PSD3: variants seen among roughly 807,000 people sequenced by gnomAD.
PSD3 encodes PH and SEC7 domain-containing protein 3.
In PSD3, 49 loss-of-function variants were observed where a neutral mutation model predicts 105.5. The observed-to-expected ratio is 0.46, with a 90% CI of 0.37 to 0.59. The LOEUF (loss-of-function observed/expected upper bound fraction) is 0.59, where lower values mean the gene tolerates loss of function less well. Ranked by LOEUF, PSD3 falls within the 20% of genes least tolerant of loss-of-function variation. PSD3 has a pLI of 0.00. For synonymous variants in PSD3, 557 were observed against 457.8 expected (o/e 1.22, Z -2.77); for missense variants, 1,561 against 1,263.8 (o/e 1.24, Z -3.57).
chr8:18,800,688 A>G (rs935231703), intron 7 of PSD3, among the ~76,000 whole-genome samples: 1 of 151,566 alleles, frequency 6.6e-6, no homozygotes, highest in Non-Finnish European at 1.5e-5. Context: ...TGTAATATGC[A>G]TAACCTCATA....
chr8:19,084,784 T>A (rs1829756012), upstream of PSD3: 2 of 260,898 alleles, frequency 7.7e-6, no homozygotes, highest in African/African-American at 4.4e-5. Context: ...TGTGTGCGCC[T>A]GAGGTCCCAG....
intron 4 of PSD3, chr8:18,865,269 TATATATATA>T (rs1563360504): frequency 2.4e-3 from 12 of 5,060 alleles, no homozygotes; most frequent in Non-Finnish European, 3.4e-3. Flanking sequence ...TATATATATA[TATATATATA>T]TATATATATT....
At chr8:18,930,196 G>T (rs1821648715) in intron 2 of PSD3, among the ~76,000 whole-genome samples, 1 of 152,170 alleles carries the variant, frequency 6.6e-6, no homozygotes, top group Non-Finnish European at 1.5e-5. Context: ...GTGGGTAGGG[G>T]TCAAGAGAGC....
chr8:18,539,223 T>G (rs963246755), intron 15 of PSD3, among the ~76,000 whole-genome samples: 1 of 152,230 alleles, frequency 6.6e-6, no homozygotes, highest in Non-Finnish European at 1.5e-5. Flanking sequence ...GTAAATGCTA[T>G]CCAGAGGATT....
At chr8:18,719,791 T>C (rs1286467663) in intron 9 of PSD3, among the ~76,000 whole-genome samples, 1 of 152,194 alleles carries the variant, frequency 6.6e-6, no homozygotes, top group Admixed American at 6.5e-5. Context: ...GCTGGTTTCA[T>C]TTTAACCAGA....
intron 9 of PSD3, among the ~76,000 whole-genome samples, chr8:18,708,896 C>T (rs933479963): frequency 6.6e-6 from 1 of 152,136 alleles, no homozygotes; most frequent in Non-Finnish European, 1.5e-5. Context: ...GGAACTCCCA[C>T]CTCCAGTCAA....
intron 11 of PSD3, among the ~76,000 whole-genome samples, chr8:18,608,982 G>C (rs1219996223): frequency 6.6e-6 from 1 of 152,098 alleles, no homozygotes; most frequent in African/African-American, 2.4e-5. Flanking sequence ...TGGGTGCCCT[G>C]ATCATCTTTT....
At chr8:18,562,316 G>C (rs181583297) in intron 14 of PSD3, among the ~76,000 whole-genome samples, 2 of 152,334 alleles carry the variant, frequency 1.3e-5, no homozygotes, top group Admixed American at 6.5e-5. Context: ...TGGAGATCCA[G>C]AGAGTTCAAG....
chr8:18,669,758 A>G (rs1418280858), intron 9 of PSD3, among the ~76,000 whole-genome samples: 3 of 152,264 alleles, frequency 2.0e-5, no homozygotes, highest in African/African-American at 7.2e-5. Flanking sequence ...ATGAGTAACT[A>G]CCTGAAACTG....
intron 11 of PSD3, among the ~76,000 whole-genome samples, chr8:18,623,554 T>G (rs1480808981): frequency 1.4e-5 from 2 of 145,632 alleles, no homozygotes; most frequent in African/African-American, 5.1e-5. Flanking sequence ...GTGGGAAGAC[T>G]ACCTGAGCCC....
chr8:18,644,599 C>T (rs1807890223), intron 10 of PSD3, among the ~76,000 whole-genome samples: 2 of 152,146 alleles, frequency 1.3e-5, no homozygotes, highest in Non-Finnish European at 2.9e-5. Flanking sequence ...TCTAAGAAGT[C>T]CCAGATGGTC....
intron 9 of PSD3, among the ~76,000 whole-genome samples, chr8:18,746,295 C>A (rs1805015806): frequency 6.6e-6 from 1 of 152,188 alleles, no homozygotes; most frequent in Non-Finnish European, 1.5e-5. Context: ...GGGCCCCAGA[C>A]CCAGCCACAC....
At chr8:18,576,417 G>A (rs186123411) in intron 12 of PSD3, among the ~76,000 whole-genome samples, 17 of 152,214 alleles carry the variant, frequency 1.1e-4, no homozygotes, top group Middle Eastern at 3.4e-3. Context: ...GTCTTCTCGA[G>A]TGGTATGATG....
intron 2 of PSD3, among the ~76,000 whole-genome samples, chr8:18,876,359 A>G (rs1033071579): frequency 3.3e-5 from 5 of 152,138 alleles, no homozygotes; most frequent in South Asian, 2.1e-4. Flanking sequence ...AAATGTGTAT[A>G]TAAGTTTCAG....
At chr8:18,549,617 G>T (rs1800649963) in intron 15 of PSD3, among the ~76,000 whole-genome samples, 1 of 152,168 alleles carries the variant, frequency 6.6e-6, no homozygotes, top group South Asian at 2.1e-4. Context: ...CAATGCTTCT[G>T]CAGGGAGACG....
chr8:18,944,007 T>A (rs1163833705), intron 1 of PSD3, among the ~76,000 whole-genome samples: 1 of 152,170 alleles, frequency 6.6e-6, no homozygotes, highest in Non-Finnish European at 1.5e-5. Context: ...CCTCCTACAG[T>A]GAAGCTTAGA....
At chr8:18,571,158 G>C (rs1585269844) in intron 14 of PSD3, among the ~76,000 whole-genome samples, 1 of 152,108 alleles carries the variant, frequency 6.6e-6, no homozygotes, top group Admixed American at 6.6e-5. Context: ...ACTGTGCCCA[G>C]TCTTAAAGCT....
chr8:18,843,551 G>A (rs1307671327), intron 4 of PSD3, among the ~76,000 whole-genome samples: 2 of 152,118 alleles, frequency 1.3e-5, no homozygotes, highest in African/African-American at 4.8e-5. Context: ...GGTTTATAAT[G>A]CGTTCTCCTC....
At chr8:18,663,646 G>A (rs1809517690) in intron 9 of PSD3, among the ~76,000 whole-genome samples, 1 of 152,120 alleles carries the variant, frequency 6.6e-6, no homozygotes, top group Admixed American at 6.5e-5. Flanking sequence ...TGGCTGTTGT[G>A]TCTCAGAGAA....
Sources: gnomAD v4.1 joint callset for allele counts (sites outside exome capture counted in the v4.1 genomes callset) on GRCh38, gnomAD v4.1.1 for gene constraint, MANE v1.5 for transcripts, NCBI Gene and HGNC (gene_info 2026-07-23, HGNC 2026-07-21) for gene names.